IFT74: variants seen among roughly 807,000 people sequenced by gnomAD.
IFT74 encodes the protein intraflagellar transport 74, also known as intraflagellar transport protein 74 homolog.
In IFT74, 92 loss-of-function variants were observed where a neutral mutation model predicts 96.7. The observed-to-expected ratio is 0.95, with a 90% CI of 0.80 to 1.13. The LOEUF (loss-of-function observed/expected upper bound fraction) is 1.13, where lower values mean the gene tolerates loss of function less well. Among genes scored for constraint, IFT74 ranks in the 50% most tolerant of loss-of-function variants. The pLI, the probability that IFT74 is intolerant of heterozygous loss-of-function variation, is 0.00. For missense variants in IFT74, 811 were observed against 698.2 expected (o/e 1.16, Z -1.82); for synonymous variants, 223 against 213.2 (o/e 1.05, Z -0.40).
intron 19 of IFT74, among the ~76,000 whole-genome samples, chr9:27,062,238 C>T (rs962087646): frequency 6.6e-6 from 1 of 152,020 alleles, no homozygotes; most frequent in African/African-American, 2.4e-5. Flanking sequence ...TGGAGCAGAG[C>T]GAAGTCTAGA....
chr9:27,048,122 C>T (rs1166380115), intron 15 of IFT74, 26 bp from the exon 16 acceptor site: 2 of 1,507,822 alleles, frequency 1.3e-6, no homozygotes, highest in Admixed American at 2.1e-5. Flanking sequence ...GGATTTTTTT[C>T]TATTTTTATT....
chr9:26,977,977 A>G (rs1333999851), intron 2 of IFT74, 151 bp from the exon 3 acceptor site: 11 of 595,740 alleles, frequency 1.8e-5, no homozygotes, highest in Admixed American at 3.7e-5. Context: ...GAACAACAGT[A>G]TTTAATAATT....
chr9:27,041,530 A>C (rs937259112), intron 13 of IFT74, among the ~76,000 whole-genome samples: 2 of 152,164 alleles, frequency 1.3e-5, no homozygotes, highest in Non-Finnish European at 2.9e-5. Flanking sequence ...ATTAAAGGAT[A>C]TCTCCAAAAT....
intron 8 of IFT74, chr9:26,993,699 T>C (rs1225874877): frequency 2.0e-5 from 3 of 152,160 alleles, no homozygotes; most frequent in African/African-American, 7.2e-5. Context: ...TACACAGAAA[T>C]AGCATACTAT....
At chr9:26,965,264 C>A (rs1395609130) in intron 2 of IFT74, among the ~76,000 whole-genome samples, 1 of 152,064 alleles carries the variant, frequency 6.6e-6, no homozygotes, top group Non-Finnish European at 1.5e-5. Flanking sequence ...GATTTTCACA[C>A]AGGTGATTTC....
chr9:26,964,474 A>C (rs1241921310), intron 2 of IFT74, among the ~76,000 whole-genome samples: 2 of 139,740 alleles, frequency 1.4e-5, no homozygotes, highest in Non-Finnish European at 3.1e-5. Flanking sequence ...TATGAACTTT[A>C]AAGTAGTTTT....
chr9:27,016,786 C>T (rs2131617271), intron 10 of IFT74, 121 bp from the exon 11 acceptor site: 1 of 620,182 alleles, frequency 1.6e-6, no homozygotes, highest in South Asian at 2.8e-5. Flanking sequence ...ATGATATTTG[C>T]TGTCTGTATT....
intron 4 of IFT74, among the ~76,000 whole-genome samples, chr9:26,982,609 C>G (rs1827435861): frequency 6.6e-6 from 1 of 152,040 alleles, no homozygotes; most frequent in Non-Finnish European, 1.5e-5. Context: ...GTGTGCACCA[C>G]CATGCCCAGC....
chr9:27,046,630 T>C (rs1819710915), intron 14 of IFT74, among the ~76,000 whole-genome samples: 1 of 152,294 alleles, frequency 6.6e-6, no homozygotes, highest in African/African-American at 2.4e-5. Context: ...GTATTCAGCA[T>C]TGGAAATTAT....
rs770329049 is a variant in IFT74 at position 27,047,389 on chromosome 9, G to T, written c.1206+18G>T. On this transcript the variant is annotated intron_variant, in intron 15 of 19. Transcript: ENST00000380062. The stretch of plus-strand genomic sequence containing the variant: ...GCAGTCGAGTGAGTACCATGTGCCT[G>T]TCTTGGTGTCCTCTTTATTTTTGCC... 8 of 1,455,184 alleles carry T rather than the reference G, an allele frequency of 5.5e-6. No individual in the cohort carries two copies. The highest frequency in any genetic ancestry group is 1.4e-5 in the African/African-American group (1 of 70,120). 90.1% of individuals were successfully genotyped at this position (1,455,184 alleles called of 1,614,324 possible).
intron 8 of IFT74, among the ~76,000 whole-genome samples, chr9:27,007,342 A>G (rs1053102555): frequency 3.3e-5 from 5 of 152,240 alleles, no homozygotes; most frequent in East Asian, 1.9e-4. Context: ...TTGAAAGAAG[A>G]AACACTGTTG....
At chr9:27,012,735 T>TTTTTTTG (rs1432648656) in intron 10 of IFT74, among the ~76,000 whole-genome samples, 3 of 118,092 alleles carry the variant, frequency 2.5e-5, no homozygotes, top group African/African-American at 3.4e-5. Flanking sequence ...TTTTTTTTTT[T>TTTTTTTG]AGACAGAGTA....
At chr9:27,045,856 A>T (rs1312602265) in intron 14 of IFT74, among the ~76,000 whole-genome samples, 1 of 152,112 alleles carries the variant, frequency 6.6e-6, no homozygotes, top group African/African-American at 2.4e-5. Context: ...TCTCAAAAAT[A>T]TTTTTTTAAG....
At chr9:26,958,810 G>C (rs1322069645) in intron 1 of IFT74, among the ~76,000 whole-genome samples, 2 of 152,178 alleles carry the variant, frequency 1.3e-5, no homozygotes, top group Non-Finnish European at 2.9e-5. Context: ...CCTGAGTGTG[G>C]ATAAGGGGGC....
At chr9:27,052,553 A>G (rs1232143095) in intron 16 of IFT74, among the ~76,000 whole-genome samples, 5 of 150,872 alleles carry the variant, frequency 3.3e-5, no homozygotes, top group African/African-American at 1.2e-4. Context: ...TGTTCTCCTG[A>G]GATGTACAGT....
At chr9:26,972,394 G>C (rs1826918514) in intron 2 of IFT74, among the ~76,000 whole-genome samples, 1 of 152,166 alleles carries the variant, frequency 6.6e-6, no homozygotes, top group South Asian at 2.1e-4. Flanking sequence ...GCCATCCACA[G>C]GTGACTGGGT....
chr9:27,016,234 A>G (rs1342757667), intron 10 of IFT74, among the ~76,000 whole-genome samples: 3 of 152,086 alleles, frequency 2.0e-5, no homozygotes, highest in African/African-American at 4.8e-5. Flanking sequence ...AGCTCTTGAT[A>G]TTGCTTGACT....
At chr9:27,020,713 A>T (rs1829560599) in intron 12 of IFT74, among the ~76,000 whole-genome samples, 1 of 152,188 alleles carries the variant, frequency 6.6e-6, no homozygotes, top group Middle Eastern at 3.4e-3. Context: ...TGACCTCGTG[A>T]TCTGCCCGCC....
chr9:27,043,002 C>A lies in IFT74; in HGVS notation c.1055-1740C>A, dbSNP rs182824528. Among the ~76,000 whole-genome samples the A allele has an allele frequency of 3.9e-3, 593 of 152,268 alleles. 6 individuals carry two copies. Among genetic ancestry groups the A allele is most frequent in the Admixed American group, 0.014 (217 of 15,286 alleles). On this transcript the variant is annotated intron_variant, in intron 13 of 19. Coordinates refer to ENST00000380062, the MANE Select transcript of IFT74 (RefSeq NM_025103.4). ...TATACAGACAAAGTTTGTTTAATAA[C>A]AGAGTACCTCTGGCCTCCTCTTCAC...
Sources: allele counts gnomAD v4.1 joint callset (sites outside exome capture counted in the v4.1 genomes callset), GRCh38; gene constraint gnomAD v4.1.1; transcripts MANE v1.5; gene names NCBI Gene and HGNC (gene_info 2026-07-23, HGNC 2026-07-21).